Variants in PPL observed in about 807,000 individuals in gnomAD.
The protein encoded by PPL is 190 kDa paraneoplastic pemphigus antigen.
PPL carries 198 observed loss-of-function variants against 194.4 expected under a neutral mutation model. The observed-to-expected ratio is 1.02, with a 90% CI of 0.91 to 1.15. PPL has a LOEUF of 1.15. Ranked by LOEUF, PPL falls within the 50% of genes most tolerant of loss-of-function variation. The probability of loss-of-function intolerance (pLI) is 0.00; values close to 1 mark genes in which losing one functional copy is unlikely to be tolerated. For missense variants in PPL, 2,885 were observed against 2,294.8 expected (o/e 1.26, Z -5.25); for synonymous variants, 1,220 against 972.4 (o/e 1.25, Z -4.74).
In PPL at chr16:4,884,071, G is replaced by A. The variant is rs1179199873; in HGVS notation, c.4584C>T (p.Arg1528=). Residue 1528 remains arginine, a synonymous_variant, in exon 22 of 22, where the codon CGC becomes CGT. Coordinates refer to ENST00000345988, the MANE Select transcript of PPL (RefSeq NM_002705.5). The surrounding 1 kb of genome is among the most constrained non-coding windows in gnomAD (Gnocchi z 5.7). ...RLKSSLEEES[R]SKRELDVEVS... ...CCTCGACGTCCAGCTCGCGCTTGCTGCGGCTCTCCTCCTCCAGGCTGCTCT... is the reference window on the plus strand; with the variant it reads ...CCTCGACGTCCAGCTCGCGCTTGCTACGGCTCTCCTCCTCCAGGCTGCTCT... The A allele has an allele frequency of 8.7e-6, 14 of 1,613,132 alleles. No homozygotes were observed. Among genetic ancestry groups the A allele is most frequent in the Non-Finnish European group, 1.1e-5 (13 of 1,179,978 alleles).
chr16:4,910,409 T>C (rs1027842499), intron 2 of PPL, among the ~76,000 whole-genome samples: 4 of 152,184 alleles, frequency 2.6e-5, no homozygotes, highest in Admixed American at 6.5e-5. Context: ...ATCTCGTTCA[T>C]GGGGAGGTGG....
At chr16:4,919,946 A>G (rs1309895508) in intron 1 of PPL, among the ~76,000 whole-genome samples, 2 of 151,864 alleles carry the variant, frequency 1.3e-5, no homozygotes, top group Admixed American at 1.3e-4. Flanking sequence ...TTAAAACCAA[A>G]AAAAGTGTAT....
At chr16:4,900,763 C>T (rs1042382586) in intron 6 of PPL, 67 bp downstream of exon 6, 174 of 1,597,192 alleles carry the variant, frequency 1.1e-4, no homozygotes, top group Non-Finnish European at 1.4e-4. Flanking sequence ...ACATCCTTGT[C>T]CCCCCGACTC....
At chr16:4,920,187 G>A (rs1884180043) in intron 1 of PPL, among the ~76,000 whole-genome samples, 1 of 151,814 alleles carries the variant, frequency 6.6e-6, no homozygotes, top group Non-Finnish European at 1.5e-5. Flanking sequence ...GGGAGGCCGA[G>A]GCCGGGGAAT....
At chr16:4,913,244 T>C (rs2088855233) in intron 1 of PPL, among the ~76,000 whole-genome samples, 1 of 152,034 alleles carries the variant, frequency 6.6e-6, no homozygotes, top group Non-Finnish European at 1.5e-5. Flanking sequence ...TGGAAAATGC[T>C]CTAATGGGAG....
At chr16:4,900,433 CCTTT>C (rs1240640386) in intron 6 of PPL, among the ~76,000 whole-genome samples, 1 of 35,102 alleles carries the variant, frequency 2.8e-5, no homozygotes, top group African/African-American at 7.1e-5. Context: ...TTACTGCACG[CCTTT>C]TTTTTTTTTT....
In PPL at chr16:4,884,062, G is replaced by C. The variant is rs117997908; in HGVS notation, c.4593C>G (p.Arg1531=). 3.7e-6 allele frequency: 6 copies of C among 1,613,188 alleles called. No homozygotes were observed. Among genetic ancestry groups the C allele is most frequent in the Non-Finnish European group, 5.1e-6 (6 of 1,180,004 alleles). Residue 1531 remains arginine (R), a synonymous_variant, in exon 22 of 22, where the codon CGC becomes CGG. Coordinates refer to ENST00000345988, the MANE Select transcript of PPL (RefSeq NM_002705.5). The surrounding 1 kb of genome is among the most constrained non-coding windows in gnomAD (Gnocchi z 5.7). ...SSLEEESRSK[R]ELDVEVSRLE... ...GCCGGCTCACCTCGACGTCCAGCTCGCGCTTGCTGCGGCTCTCCTCCTCCA... is the reference window on the plus strand; with the variant it reads ...GCCGGCTCACCTCGACGTCCAGCTCCCGCTTGCTGCGGCTCTCCTCCTCCA...
At chr16:4,905,940 T>TCTAAAAAAAAAAAAAAAAAAAAA (rs2088673289) in intron 2 of PPL, among the ~76,000 whole-genome samples, 1 of 152,098 alleles carries the variant, frequency 6.6e-6, no homozygotes, top group African/African-American at 2.4e-5. Flanking sequence ...CCCCATTTAT[T>TCTAAAAAAAAAAAAAAAAAAAAA]AAAAAATATT....
intron 2 of PPL, among the ~76,000 whole-genome samples, chr16:4,909,904 C>G (rs1267182505): frequency 6.6e-6 from 1 of 152,232 alleles, no homozygotes; most frequent in Non-Finnish European, 1.5e-5. Flanking sequence ...TCAAATGTAA[C>G]TGGGCATCTC....
intron 1 of PPL, among the ~76,000 whole-genome samples, chr16:4,915,745 TTC>T (rs1262193379): frequency 6.6e-6 from 1 of 152,198 alleles, no homozygotes; most frequent in African/African-American, 2.4e-5. Flanking sequence ...TCCTCACTGT[TTC>T]TGACTCAATC....
chr16:4,892,021 T>C lies in PPL; in HGVS notation c.1829+14A>G, dbSNP rs998880708. 2 of 1,611,976 alleles carry C rather than the reference T, an allele frequency of 1.2e-6. No individual in the cohort carries two copies. The highest frequency in any genetic ancestry group is 1.7e-6 in the Non-Finnish European group (2 of 1,178,812). ...ACCCCACCCCAACCTCCATGCTGCC[T>C]GTCTGCCACCCACTTCTCCTGGGCC... On this transcript the variant is annotated intron_variant, in intron 15 of 21. Transcript: ENST00000345988.
chr16:4,906,860 C>A (rs892312730), intron 2 of PPL, among the ~76,000 whole-genome samples: 10 of 152,146 alleles, frequency 6.6e-5, no homozygotes, highest in Admixed American at 1.3e-4. Context: ...ATCTGGGTAC[C>A]TATTGATGCA....
intron 1 of PPL, among the ~76,000 whole-genome samples, chr16:4,932,811 T>C (rs1197880315): frequency 6.6e-6 from 1 of 152,018 alleles, no homozygotes; most frequent in African/African-American, 2.4e-5. Flanking sequence ...GCTGGACCCA[T>C]CATGTGCATC....
Position 4,887,217 on chromosome 16 carries a change from A to G in PPL, c.2525T>C (p.Leu842Pro). 1.2e-6 allele frequency: 2 copies of G among 1,613,882 alleles called. No individual in the cohort carries two copies. The highest frequency in any genetic ancestry group is 1.7e-6 in the Non-Finnish European group (2 of 1,179,782). Residue 842 changes from leucine (L) to proline (P), a missense_variant, in exon 21 of 22, where the codon CTT (leucine) becomes CCT (proline). Coordinates refer to ENST00000345988, the MANE Select transcript of PPL (RefSeq NM_002705.5). ...ATKVKEEEAA[L>P]AAKFTEVYAI... ...ATAAACTTCAGTGAACTTGGCGGCAAGTGCTGCTTCCTGCAGAGAAGAGGA... is the reference window on the plus strand; with the variant it reads ...ATAAACTTCAGTGAACTTGGCGGCAGGTGCTGCTTCCTGCAGAGAAGAGGA...
In PPL at chr16:4,902,506, C is replaced by T. The variant is rs140336107; in HGVS notation, c.338G>A (p.Arg113His). The change falls in exon 4 of 22, where the codon CGT (arginine) becomes CAT (histidine). Residue 113 changes from arginine (R) to histidine (H), a missense_variant. By Grantham distance (29) the Arg-to-His change is conservative (BLOSUM62 0). Coordinates refer to ENST00000345988, the MANE Select transcript of PPL (RefSeq NM_002705.5). This position sits in a 1 kb window ranked among gnomAD's most constrained non-coding sequence, Gnocchi z 4.0. ...GTGTTTCCCGCGCAGGTTGGTCACA[C>T]GCTCCTTCAGCTGGCGGATACTGAT... Reference protein sequence around the residue: ...IAEDIRQLKERVTNLRGKHKQ... With the variant: ...IAEDIRQLKEHVTNLRGKHKQ... The T allele has an allele frequency of 2.5e-5, 40 of 1,613,532 alleles. No individual in the cohort carries two copies. The highest frequency in any genetic ancestry group is 2.0e-4 in the African/African-American group (15 of 74,908).
chr16:4,888,853 G>T, intron 19 of PPL, 125 bp downstream of exon 19: 1 of 886,090 alleles, frequency 1.1e-6, no homozygotes, highest in Non-Finnish European at 1.9e-6. Flanking sequence ...ACAGCAGCCG[G>T]CAGTGCCTCG....
Position 4,901,001 on chromosome 16 carries a change from T to C in PPL, c.527A>G (p.Lys176Arg), listed in dbSNP as rs544691244. 1 of 1,614,064 alleles carries C rather than the reference T, an allele frequency of 6.2e-7. No individual in the cohort carries two copies. The highest frequency in any genetic ancestry group is 8.5e-7 in the Non-Finnish European group (1 of 1,180,040). Residue 176 changes from lysine (K) to arginine (R), a missense_variant, in exon 5 of 22, where the codon AAG (lysine) becomes AGG (arginine). By Grantham distance (26) the Lys-to-Arg change is conservative. Coordinates refer to ENST00000345988, the MANE Select transcript of PPL (RefSeq NM_002705.5). ...EEHNIFHNEV[K>R]AIGPHLAKDG... ...CTTGGCCAGGTGGGGCCCGATGGCC[T>C]TGACCTCATTGTGGAAGATGTTATG...
At position 4,884,186 on chromosome 16, in the gene PPL, A is replaced by C; in HGVS notation, c.4469T>G (p.Leu1490Arg). The C allele has an allele frequency of 6.2e-7, 1 of 1,613,788 alleles. No homozygotes were observed. The highest frequency in any genetic ancestry group is 8.5e-7 in the Non-Finnish European group (1 of 1,179,928). Residue 1490 changes from leucine (L) to arginine (R), a missense_variant, in exon 22 of 22, where the codon CTG (leucine) becomes CGG (arginine). By Grantham distance (102) the Leu-to-Arg change is moderately radical. Transcript: ENST00000345988. This position sits in a 1 kb window ranked among gnomAD's most constrained non-coding sequence, Gnocchi z 5.7. ...CTTCTCCTTGACCTCCGCCTTCTCCAGTGCAGCCAGTTTCCTCCGGAGGGT... is the reference window on the plus strand; with the variant it reads ...CTTCTCCTTGACCTCCGCCTTCTCCCGTGCAGCCAGTTTCCTCCGGAGGGT... ...LETLRRKLAALEKAEVKEKVV... is the reference protein window; with the variant it reads ...LETLRRKLAAREKAEVKEKVV...
rs751026334 is a variant in PPL, at chr16:4,884,232, G to T, written c.4423C>A (p.Leu1475Ile). The change falls in exon 22 of 22, where the codon CTC becomes ATC. Residue 1475 changes from leucine to isoleucine, a missense_variant. Transcript: ENST00000345988. This position sits in a 1 kb window ranked among gnomAD's most constrained non-coding sequence, Gnocchi z 5.7. ...AGGGTCTCGAGCTCCCCCTCCAGGAGCTGCCGCCGGTGCTGCTCTTCTTCC... is the reference window on the plus strand; with the variant it reads ...AGGGTCTCGAGCTCCCCCTCCAGGATCTGCCGCCGGTGCTGCTCTTCTTCC... ...QLEEEQHRRQ[L>I]LEGELETLRR... 1.9e-6 allele frequency: 3 copies of T among 1,613,808 alleles called. No homozygotes were observed. Among genetic ancestry groups the T allele is most frequent in the East Asian group, 2.2e-5 (1 of 44,868 alleles).
Sources: gnomAD v4.1 joint callset for allele counts (sites outside exome capture counted in the v4.1 genomes callset) on GRCh38, gnomAD v4.1.1 for gene constraint, Gnocchi (gnomAD v3.1) non-coding constraint, MANE v1.5 for transcripts, NCBI Gene and HGNC (gene_info 2026-07-23, HGNC 2026-07-21) for gene names.